KCTD9: variants seen among roughly 807,000 people sequenced by gnomAD.
The protein encoded by KCTD9 is potassium channel tetramerization domain containing 9.
In KCTD9, 17 loss-of-function variants were observed where a neutral mutation model predicts 53.3. The ratio of observed to expected loss-of-function variants is 0.32; its 90% CI spans 0.22 to 0.48. The LOEUF (loss-of-function observed/expected upper bound fraction) is 0.48. KCTD9 is among the 20% of genes least tolerant of loss of function. KCTD9 has a pLI of 0.99. For missense variants in KCTD9, 179 were observed against 465.5 expected (o/e 0.38, Z 5.66); for synonymous variants, 128 against 162.7 (o/e 0.79, Z 1.62).
intron 3 of KCTD9, among the ~76,000 whole-genome samples, chr8:25,443,017 T>C (rs1233811671): frequency 1.3e-5 from 2 of 152,182 alleles, no homozygotes; most frequent in African/African-American, 4.8e-5. Context: ...TAATCCTTAA[T>C]ATAAACTTTA....
At chr8:25,430,843 A>ACACACACAC (rs1563244185) in intron 11 of KCTD9, among the ~76,000 whole-genome samples, 1 of 125,628 alleles carries the variant, frequency 8.0e-6, no homozygotes, top group African/African-American at 2.8e-5. Context: ...ACACACACAC[A>ACACACACAC]ATTTTTTTTT....
intron 6 of KCTD9, among the ~76,000 whole-genome samples, chr8:25,438,950 A>G (rs3750198): frequency 0.096 from 14,600 of 152,236 alleles, 723 homozygotes; most frequent in African/African-American, 0.11. Context: ...TCTTAATTCA[A>G]TTTTTAAAAA....
At position 25,432,641 on chromosome 8, in the gene KCTD9, C is replaced by G. The variant is rs1292673768; in HGVS notation, c.920-4G>C. On this transcript the variant is annotated splice_region_variant and splice_polypyrimidine_tract_variant and intron_variant, in intron 10 of 11. Transcript: ENST00000221200. ...TCCACACCTTTCAGATTAGCACCTA[C>G]AGTGAACACATTCTGGGAGTAGTTT... is the stretch of plus-strand genomic sequence containing the variant. 4 of 1,608,584 alleles carry G rather than the reference C, an allele frequency of 2.5e-6. No homozygotes were observed. In the South Asian group the frequency reaches 4.5e-5, roughly 18 times the overall value.
chr8:25,434,385 C>T (rs912987935), intron 9 of KCTD9, among the ~76,000 whole-genome samples: 1 of 152,204 alleles, frequency 6.6e-6, no homozygotes, highest in East Asian at 1.9e-4. Flanking sequence ...ATCCACCACA[C>T]GCAGCCAAGA....
intron 2 of KCTD9, among the ~76,000 whole-genome samples, chr8:25,445,660 A>G (rs1264998899): frequency 6.6e-6 from 1 of 152,162 alleles, no homozygotes; most frequent in Non-Finnish European, 1.5e-5. Flanking sequence ...AGGTACAAAC[A>G]TAAGCCTATA....
intron 2 of KCTD9, among the ~76,000 whole-genome samples, chr8:25,444,951 T>G (rs1180461708): frequency 6.6e-6 from 1 of 152,170 alleles, no homozygotes; most frequent in African/African-American, 2.4e-5. Context: ...AGGCTTCAAT[T>G]ATAACCTTCC....
intron 9 of KCTD9, 117 bp from the exon 10 acceptor site, chr8:25,433,552 C>T: frequency 2.2e-6 from 1 of 455,040 alleles, no homozygotes; most frequent in Non-Finnish European, 4.0e-6. Flanking sequence ...AACACTCATA[C>T]TCAATTTTAT....
chr8:25,451,017 C>A (rs190388232), intron 1 of KCTD9, among the ~76,000 whole-genome samples: 2 of 152,124 alleles, frequency 1.3e-5, no homozygotes, highest in African/African-American at 4.8e-5. Context: ...AAAATTAATA[C>A]GAAGAATCTT....
In KCTD9 at chr8:25,440,966, C is replaced by T. The variant is rs9314302; in HGVS notation, c.215-293G>A. ...TGAATGTTAAAGCCATCCATAGATA[C>T]TGACTTCATTGCTTAATAAGTCTAG... On this transcript the variant is annotated intron_variant, in intron 3 of 11. Transcript: ENST00000221200. Among the ~76,000 whole-genome samples, 1,371 of 152,318 alleles carry T rather than the reference C, an allele frequency of 9.0e-3. 21 individuals carry two copies. The highest frequency in any genetic ancestry group is 0.031 in the African/African-American group (1,302 of 41,574).
intron 3 of KCTD9, among the ~76,000 whole-genome samples, chr8:25,444,027 C>T (rs1279236948): frequency 1.3e-5 from 2 of 152,126 alleles, no homozygotes; most frequent in African/African-American, 4.8e-5. Flanking sequence ...AAGATCAAAA[C>T]TACCTTACTA....
intron 10 of KCTD9, 58 bp downstream of exon 10, chr8:25,433,271 CT>C (rs3215162): frequency 0.37 from 341,241 of 926,414 alleles, 64,805 homozygotes; most frequent in African/African-American, 0.52. Context: ...TTTTCCAGGG[CT>C]TTTTTCCTTT....
chr8:25,447,840 A>G (rs1198432465), intron 1 of KCTD9, among the ~76,000 whole-genome samples: 1 of 152,154 alleles, frequency 6.6e-6, no homozygotes, highest in Non-Finnish European at 1.5e-5. Flanking sequence ...AATAAGAAAC[A>G]ATGAGGCCAG....
Position 25,448,047 on chromosome 8 carries a change from G to A in KCTD9, c.49-1797C>T, listed in dbSNP as rs547659910. On this transcript the variant is annotated intron_variant, in intron 1 of 11. Transcript: ENST00000221200. ...GGAGGCCGAGATGGGAGGATCACTT[G>A]AGCCTGCCAATTCAAGGCTGCAGTG... is the stretch of plus-strand genomic sequence containing the variant. 2.6e-5 allele frequency among the ~76,000 whole-genome samples: 4 copies of A among 152,178 alleles called. No homozygotes were observed. The East Asian group carries it at 7.8e-4, about 29-fold the overall frequency.
chr8:25,446,379 C>T, intron 1 of KCTD9, 129 bp from the exon 2 acceptor site: 1 of 1,042,194 alleles, frequency 9.6e-7, no homozygotes. Flanking sequence ...AGGTTCTTAA[C>T]AGTGCCCCCT....
intron 1 of KCTD9, among the ~76,000 whole-genome samples, chr8:25,447,467 A>G (rs1449541277): frequency 1.3e-5 from 2 of 152,208 alleles, no homozygotes; most frequent in African/African-American, 4.8e-5. Flanking sequence ...CCCAAGATTT[A>G]TTATGTCAAG....
intron 2 of KCTD9, among the ~76,000 whole-genome samples, chr8:25,445,603 T>C (rs1044524264): frequency 1.3e-5 from 2 of 152,158 alleles, no homozygotes; most frequent in Non-Finnish European, 1.5e-5. Flanking sequence ...TGAAGTAAGG[T>C]GAACTACACA....
At chr8:25,457,420 C>G (rs572949699) in intron 1 of KCTD9, 1 of 975,260 alleles carries the variant, frequency 1.0e-6, no homozygotes, top group East Asian at 1.1e-4. Flanking sequence ...GGGCAAAAGG[C>G]TGGGAAGGAA....
rs749843522 is a variant in KCTD9, at chr8:25,439,276, C to T, written c.499+3G>A. On this transcript the variant is annotated splice_donor_region_variant and intron_variant, in intron 6 of 11. Transcript: ENST00000221200. ...ATTATATTGAAAGTCTAAATAAACT[C>T]ACCCAATAAATTAATGCCATCATTT... is the stretch of plus-strand genomic sequence containing the variant. 4 of 1,581,338 alleles carry T rather than the reference C, an allele frequency of 2.5e-6. No homozygotes were observed. The highest frequency in any genetic ancestry group is 4.5e-5 in the East Asian group (2 of 44,402).
Position 25,427,864 on chromosome 8 carries a change from A to T in KCTD9, c.*1993T>A, listed in dbSNP as rs1801863429. 9.6e-6 allele frequency: 1 copy of T among 104,512 alleles called. No individual in the cohort carries two copies. The highest frequency in any genetic ancestry group is 2.9e-5 in the African/African-American group (1 of 34,926). The allele number at this position is 104,512 out of a possible 1,614,324, so 6.5% of individuals were successfully genotyped here. On this transcript the variant is annotated 3_prime_UTR_variant, in exon 12 of 12. Coordinates refer to ENST00000221200, the MANE Select transcript of KCTD9 (RefSeq NM_017634.4). ...TAATCATGTTTAAAGAAATAAATTT[A>T]CTTTAATGGTACTTTCAAAAAGACT...
Sources: gnomAD v4.1 joint callset for allele counts (sites outside exome capture counted in the v4.1 genomes callset) on GRCh38, gnomAD v4.1.1 for gene constraint, MANE v1.5 for transcripts, NCBI Gene and HGNC (gene_info 2026-07-23, HGNC 2026-07-21) for gene names.